NKAIN3: variants seen among roughly 807,000 people sequenced by gnomAD.
The protein encoded by NKAIN3 is sodium/potassium transporting ATPase interacting 3.
A neutral mutation model predicts 30.2 loss-of-function variants in NKAIN3; 25 were observed. The ratio of observed to expected loss-of-function variants is 0.83; its 90% CI spans 0.60 to 1.16. The LOEUF (loss-of-function observed/expected upper bound fraction) is 1.16. NKAIN3 is among the 50% of genes most tolerant of loss of function. The pLI is 0.00. For synonymous variants in NKAIN3, 91 were observed against 89.6 expected (o/e 1.02, Z -0.09); for missense variants, 225 against 254.1 (o/e 0.89, Z 0.78).
chr8:62,851,169 C>T (rs1819883509), intron 4 of NKAIN3, among the ~76,000 whole-genome samples: 1 of 152,098 alleles, frequency 6.6e-6, no homozygotes, highest in African/African-American at 2.4e-5. Flanking sequence ...AGAGGTCCTT[C>T]ACATCCCTTG....
chr8:62,966,906 A>G lies in NKAIN3; in HGVS notation c.*1499A>G, dbSNP rs1024697298. The stretch of plus-strand genomic sequence containing the variant: ...TTTTTTCTTCTTGTTCTTCTTTCGG[A>G]GCCTATAGGTTTCATGAGACTCTGT... On this transcript the variant is annotated 3_prime_UTR_variant, in exon 7 of 7. Coordinates refer to ENST00000623646, the MANE Select transcript of NKAIN3 (RefSeq NM_001304533.3). Among the ~76,000 whole-genome samples the G allele has an allele frequency of 4.6e-5, 7 of 152,090 alleles. No homozygotes were observed. Among genetic ancestry groups the G allele is most frequent in the African/African-American group, 1.7e-4 (7 of 41,418 alleles).
intron 1 of NKAIN3, among the ~76,000 whole-genome samples, chr8:62,401,013 T>TCTCTCTCTCTCTCTC (rs1803847170): frequency 1.4e-5 from 2 of 143,744 alleles, no homozygotes; most frequent in Admixed American, 6.9e-5. Context: ...CTTTCTACCT[T>TCTCTCTCTCTCTCTC]TCTCTCACTC....
Position 62,976,889 on chromosome 8 carries a change from A to G in NKAIN3, c.*11482A>G, listed in dbSNP as rs753896319. Among the ~76,000 whole-genome samples the G allele has an allele frequency of 1.1e-4, 17 of 152,172 alleles. No individual in the cohort carries two copies. The highest frequency in any genetic ancestry group is 2.2e-4 in the Non-Finnish European group (15 of 68,036). On this transcript the variant is annotated 3_prime_UTR_variant, in exon 7 of 7. Transcript: ENST00000623646. ...GTAAAGGCAGGCTTGGTGTGACAAA[A>G]TTCCTCAGCATTTGCTTGTCTGTAA... is the stretch of plus-strand genomic sequence containing the variant.
At chr8:62,856,945 GC>G in intron 4 of NKAIN3, 1 of 567,700 alleles carries the variant, frequency 1.8e-6, no homozygotes, top group Non-Finnish European at 3.4e-6. Flanking sequence ...TTCAAACATA[GC>G]CCTGGAGGCA....
At chr8:62,850,527 G>A (rs930802187) in intron 4 of NKAIN3, among the ~76,000 whole-genome samples, 4 of 152,088 alleles carry the variant, frequency 2.6e-5, no homozygotes, top group African/African-American at 7.2e-5. Flanking sequence ...TGAAGTCCTT[G>A]CCCATGCCTA....
intron 1 of NKAIN3, among the ~76,000 whole-genome samples, chr8:62,430,195 G>C (rs879935506): frequency 6.6e-6 from 1 of 151,684 alleles, no homozygotes; most frequent in African/African-American, 2.4e-5. Flanking sequence ...CCCCTTTTAA[G>C]GCTGAATAAT....
At chr8:62,455,531 A>T (rs561314271) in intron 1 of NKAIN3, among the ~76,000 whole-genome samples, 2 of 152,208 alleles carry the variant, frequency 1.3e-5, no homozygotes, top group South Asian at 4.1e-4. Context: ...GGTAGGGAGG[A>T]AGTGGGGAGG....
intron 1 of NKAIN3, among the ~76,000 whole-genome samples, chr8:62,434,795 T>G (rs943742690): frequency 6.6e-6 from 1 of 152,154 alleles, no homozygotes; most frequent in Non-Finnish European, 1.5e-5. Context: ...AACACTGCAA[T>G]CTATAGACCT....
intron 1 of NKAIN3, among the ~76,000 whole-genome samples, chr8:62,401,970 T>A (rs1384988133): frequency 1.3e-5 from 2 of 152,182 alleles, no homozygotes; most frequent in Non-Finnish European, 2.9e-5. Context: ...CTGCTGGTGG[T>A]GAAACCATCC....
At chr8:62,867,656 T>C (rs1820470018) in intron 4 of NKAIN3, among the ~76,000 whole-genome samples, 1 of 152,188 alleles carries the variant, frequency 6.6e-6, no homozygotes, top group Non-Finnish European at 1.5e-5. Context: ...ATGGGAATAG[T>C]GAGGTTCCAC....
intron 1 of NKAIN3, among the ~76,000 whole-genome samples, chr8:62,388,798 G>C (rs71525487): frequency 7.2e-5 from 11 of 152,260 alleles, no homozygotes; most frequent in Middle Eastern, 3.4e-3. Context: ...TCTGCCATGC[G>C]TGCTGTTGAG....
chr8:62,433,045 A>T (rs1157282352), intron 1 of NKAIN3, among the ~76,000 whole-genome samples: 2 of 152,210 alleles, frequency 1.3e-5, no homozygotes, highest in East Asian at 1.9e-4. Context: ...TTAATTAATT[A>T]CTTTGCCAAA....
chr8:62,777,757 C>T (rs1456185112), intron 4 of NKAIN3, among the ~76,000 whole-genome samples: 22 of 152,014 alleles, frequency 1.4e-4, no homozygotes, highest in Admixed American at 1.2e-3. Context: ...TACTTGTGGA[C>T]GTTCATCAGT....
At chr8:62,271,157 T>A (rs1812767735) in intron 1 of NKAIN3, among the ~76,000 whole-genome samples, 2 of 152,198 alleles carry the variant, frequency 1.3e-5, no homozygotes. Context: ...TAAATCTAAG[T>A]GGCTCTGCAT....
chr8:62,265,881 G>C (rs1812584991), intron 1 of NKAIN3, among the ~76,000 whole-genome samples: 1 of 152,080 alleles, frequency 6.6e-6, no homozygotes, highest in African/African-American at 2.4e-5. Flanking sequence ...AAAGTTAGTG[G>C]CCTCAATATG....
chr8:62,798,119 G>T (rs1013578766), intron 4 of NKAIN3, among the ~76,000 whole-genome samples: 2 of 152,100 alleles, frequency 1.3e-5, no homozygotes, highest in Admixed American at 1.3e-4. Context: ...AGTGAAGGTG[G>T]ACCTCAAATC....
chr8:62,982,470 A>T lies in NKAIN3; in HGVS notation c.*17063A>T, dbSNP rs1396222453. The stretch of plus-strand genomic sequence containing the variant: ...AAATAATTAGATTTGTGTAAACTAT[A>T]TTTTAGAGTCTTCCAAAACGCCTCT... On this transcript the variant is annotated 3_prime_UTR_variant, in exon 7 of 7. Coordinates refer to ENST00000623646, the MANE Select transcript of NKAIN3 (RefSeq NM_001304533.3). 6.6e-6 allele frequency: 1 copy of T among 152,204 alleles called. No homozygotes were observed. The allele number at this position is 152,204 out of a possible 1,614,324, so 9.4% of individuals were successfully genotyped here.
intron 3 of NKAIN3, among the ~76,000 whole-genome samples, chr8:62,604,299 C>T (rs558601933): frequency 1.3e-5 from 2 of 152,252 alleles, no homozygotes; most frequent in South Asian, 4.1e-4. Context: ...CGCCTTTGCC[C>T]TTTGGAAGCC....
At chr8:62,412,347 A>G (rs1322642703) in intron 1 of NKAIN3, among the ~76,000 whole-genome samples, 3 of 151,846 alleles carry the variant, frequency 2.0e-5, no homozygotes, top group Non-Finnish European at 2.9e-5. Context: ...AGGTCTTCCT[A>G]TTCAATAAGT....
Sources: allele counts gnomAD v4.1 joint callset (sites outside exome capture counted in the v4.1 genomes callset), GRCh38; gene constraint gnomAD v4.1.1; transcripts MANE v1.5; gene names NCBI Gene and HGNC (gene_info 2026-07-23, HGNC 2026-07-21).